Variants in DMD observed in about 807,000 individuals in gnomAD.
The protein encoded by DMD is mutant dystrophin.
DMD carries 63 observed loss-of-function variants against 330.1 expected under a neutral mutation model. The observed-to-expected ratio is 0.19, with a 90% CI of 0.16 to 0.24. The LOEUF (loss-of-function observed/expected upper bound fraction) is 0.24, where lower values mean the gene tolerates loss of function less well. Among genes scored for constraint, DMD ranks in the 10% least tolerant of loss-of-function variants. The probability of loss-of-function intolerance (pLI) is 1.00; values close to 1 mark genes in which losing one functional copy is unlikely to be tolerated. For missense variants in DMD, 3,344 were observed against 2,684.1 expected (o/e 1.25, Z -5.43); for synonymous variants, 1,223 against 959.8 (o/e 1.27, Z -5.07).
intron 69 of DMD, among the ~76,000 whole-genome samples, chrX:31,179,839 A>G (rs905554009): frequency 1.8e-5 from 2 of 112,236 alleles, no homozygotes; most frequent in East Asian, 5.6e-4. Context: ...ATCTGTATAG[A>G]GGGGATAAAA....
chrX:31,691,316 C>G (rs2083106378), intron 52 of DMD, among the ~76,000 whole-genome samples: 1 of 111,069 alleles, frequency 9.0e-6, no homozygotes. Context: ...AAGTATACTA[C>G]TACACAAAAC....
At chrX:32,179,930 A>G (rs1214987467) in intron 44 of DMD, among the ~76,000 whole-genome samples, 1 of 112,161 alleles carries the variant, frequency 8.9e-6, no homozygotes, top group Non-Finnish European at 1.9e-5. Context: ...GTCATGTGAG[A>G]CTGTGAGTCC....
chrX:33,041,891 TA>T (rs56693544), intron 1 of DMD, among the ~76,000 whole-genome samples: 24 of 104,408 alleles, frequency 2.3e-4, no homozygotes, highest in South Asian at 4.3e-4. Context: ...TGAGTTCATC[TA>T]AAAAAAAAAT....
At chrX:31,930,507 C>T (rs5927052) in intron 46 of DMD, among the ~76,000 whole-genome samples, 27,625 of 110,437 alleles carry the variant, frequency 0.25, 2,774 homozygotes, top group African/African-American at 0.37. Context: ...TCATTTTTGT[C>T]AACTAAAGTT....
At chrX:32,057,656 G>A (rs765082436) in intron 44 of DMD, among the ~76,000 whole-genome samples, 2 of 110,413 alleles carry the variant, frequency 1.8e-5, no homozygotes, top group Non-Finnish European at 3.8e-5. Flanking sequence ...TCATTTAAAA[G>A]TCTATATATC....
chrX:32,842,283 A>G (rs1722757887), intron 4 of DMD, among the ~76,000 whole-genome samples: 1 of 112,527 alleles, frequency 8.9e-6, no homozygotes, highest in Admixed American at 9.4e-5. Flanking sequence ...CTAGCCCCAA[A>G]GGGGACTTCT....
chrX:31,147,287 C>G lies in DMD; in HGVS notation c.10785G>C (p.Gln3595His). 1 of 1,210,477 alleles carries G rather than the reference C, an allele frequency of 8.3e-7. No homozygotes were observed. The highest frequency in any genetic ancestry group is 1.1e-6 in the Non-Finnish European group (1 of 894,781). Residue 3595 changes from glutamine (Q) to histidine (H), a missense_variant, in exon 75 of 79, where the codon CAG becomes CAC. Transcript: ENST00000357033. ...TCTCTCTCCTCACTTGCTCCAGCAGCTGCCTTAGCCTGTGTAACTGTGACT... is the reference window on the plus strand; with the variant it reads ...TCTCTCTCCTCACTTGCTCCAGCAGGTGCCTTAGCCTGTGTAACTGTGACT... ...QLESQLHRLRQLLEQPQAEAK... is the reference protein window; with the variant it reads ...QLESQLHRLRHLLEQPQAEAK...
chrX:32,473,982 C>T (rs183591957), intron 21 of DMD, among the ~76,000 whole-genome samples: 5 of 109,958 alleles, frequency 4.5e-5, no homozygotes, highest in East Asian at 5.7e-4. Context: ...CTCTCTCCCC[C>T]CAACCTTCCC....
intron 54 of DMD, among the ~76,000 whole-genome samples, chrX:31,631,552 C>T (rs1020338385): frequency 6.3e-5 from 7 of 111,078 alleles, no homozygotes; most frequent in East Asian, 2.8e-4. Context: ...GAAGGAGAGG[C>T]GGAGGGTTGA....
chrX:33,034,173 G>A (rs2094166689), intron 1 of DMD, among the ~76,000 whole-genome samples: 1 of 110,881 alleles, frequency 9.0e-6, no homozygotes, highest in Admixed American at 9.6e-5. Flanking sequence ...TAAAATTCAT[G>A]AATTGTAGCA....
chrX:31,597,550 T>C (rs2077163245), intron 55 of DMD, among the ~76,000 whole-genome samples: 1 of 111,700 alleles, frequency 9.0e-6, no homozygotes, highest in Non-Finnish European at 1.9e-5. Flanking sequence ...TGAAACTCTC[T>C]CCTCTCTGCT....
At chrX:32,298,528 T>TATATATATATATATATA (rs1569556403) in intron 42 of DMD, among the ~76,000 whole-genome samples, 1 of 109,965 alleles carries the variant, frequency 9.1e-6, no homozygotes, top group African/African-American at 3.4e-5. Context: ...TATATATATG[T>TATATATATATATATATA]CATGATTCAG....
Position 32,095,230 on chromosome X carries a change from T to C in DMD, c.6438+121686A>G, listed in dbSNP as rs763696551. 5.4e-5 allele frequency among the ~76,000 whole-genome samples: 6 copies of C among 111,946 alleles called. No individual in the cohort carries two copies. In the South Asian group the frequency reaches 1.9e-3, roughly 35 times the overall value. On this transcript the variant is annotated intron_variant, in intron 44 of 78. Transcript: ENST00000357033. ...TGCCTCGAGCTACTTCCATTTCCTC[T>C]ATTCTTTCACTAGTTAAAATGTACC...
chrX:32,368,392 A>C (rs2097861688), intron 34 of DMD, among the ~76,000 whole-genome samples: 1 of 111,654 alleles, frequency 9.0e-6, no homozygotes, highest in Non-Finnish European at 1.9e-5. Flanking sequence ...GAAAGGTGAC[A>C]CTTGAAGGCG....
chrX:32,156,627 A>T (rs1397941553), intron 44 of DMD, among the ~76,000 whole-genome samples: 3 of 90,256 alleles, frequency 3.3e-5, no homozygotes, highest in Non-Finnish European at 6.3e-5. Flanking sequence ...GAATGACAAA[A>T]GGATACACAC....
chrX:31,658,198 T>G, intron 53 of DMD, 54 bp from the exon 54 acceptor site: 7 of 1,147,747 alleles, frequency 6.1e-6, no homozygotes, highest in Non-Finnish European at 8.4e-6. Flanking sequence ...ATGAAATCTC[T>G]AGTTGGAGTG....
intron 2 of DMD, among the ~76,000 whole-genome samples, chrX:32,866,677 T>C (rs927511684): frequency 2.0e-5 from 2 of 97,682 alleles, no homozygotes; most frequent in Non-Finnish European, 4.0e-5. Flanking sequence ...ATAGAAATTT[T>C]TTAAATACAG....
intron 77 of DMD, among the ~76,000 whole-genome samples, 191 bp from the exon 78 acceptor site, chrX:31,126,864 C>G (rs763963790): frequency 9.7e-6 from 1 of 103,249 alleles, no homozygotes; most frequent in South Asian, 4.4e-4. Context: ...AGTCAAATAA[C>G]CTTTACATAC....
chrX:32,968,695 G>C (rs1602295288), intron 2 of DMD, among the ~76,000 whole-genome samples: 1 of 109,783 alleles, frequency 9.1e-6, no homozygotes, highest in African/African-American at 3.3e-5. Context: ...ATTAGGTCAC[G>C]AGGATGGAGC....
Sources: allele counts gnomAD v4.1 joint callset (sites outside exome capture counted in the v4.1 genomes callset), GRCh38; gene constraint gnomAD v4.1.1; transcripts MANE v1.5; gene names NCBI Gene and HGNC (gene_info 2026-07-23, HGNC 2026-07-21).